RHBDL3: variants seen among roughly 807,000 people sequenced by gnomAD.
RHBDL3 encodes rhomboid-related protein 3.
Under a neutral mutation model 48.2 loss-of-function variants are expected in RHBDL3, and 28 were observed. That is an observed-to-expected ratio of 0.58 (90% CI 0.43 to 0.80). RHBDL3 has a LOEUF of 0.80. Among genes scored for constraint, RHBDL3 ranks in the 30% least tolerant of loss-of-function variants. The pLI is 0.00. For missense variants in RHBDL3, 464 were observed against 542.7 expected (o/e 0.85, Z 1.44); for synonymous variants, 208 against 232.3 (o/e 0.90, Z 0.95).
chr17:32,294,222 G>C (rs1655308084), intron 4 of RHBDL3, 72 bp from the exon 5 acceptor site: 3 of 1,336,676 alleles, frequency 2.2e-6, no homozygotes, highest in Non-Finnish European at 3.1e-6. Flanking sequence ...GGGACTCCCA[G>C]TGCTAGTCAG....
intron 2 of RHBDL3, among the ~76,000 whole-genome samples, chr17:32,280,032 G>A (rs2040005305): frequency 6.6e-6 from 1 of 152,168 alleles, no homozygotes; most frequent in Non-Finnish European, 1.5e-5. Flanking sequence ...AGAGGATTAG[G>A]GTCGGACGCT....
intron 2 of RHBDL3, among the ~76,000 whole-genome samples, chr17:32,268,780 G>A (rs1021409521): frequency 6.6e-6 from 1 of 152,212 alleles, no homozygotes; most frequent in African/African-American, 2.4e-5. Context: ...CTTCGTTGTA[G>A]GCAGGGGAAG....
chr17:32,276,975 A>G (rs12950382), intron 2 of RHBDL3, among the ~76,000 whole-genome samples: 48,693 of 133,204 alleles, frequency 0.37, 11,723 homozygotes, highest in African/African-American at 0.67. Flanking sequence ...ACAGTACTGC[A>G]GCCCTAGCAC....
In RHBDL3 at chr17:32,294,737, A is replaced by G. The variant is rs116039165; in HGVS notation, c.668+295A>G. Among the ~76,000 whole-genome samples the G allele has an allele frequency of 7.5e-3, 1,141 of 152,192 alleles. 16 individuals are homozygous for G. The highest frequency in any genetic ancestry group is 0.026 in the African/African-American group (1,077 of 41,494). ...TAGACGTGGCTTGAAAATTTATTCT[A>G]GTGCTTCCTAGTGGCTTCCTAGAGC... is the stretch of plus-strand genomic sequence containing the variant. On this transcript the variant is annotated intron_variant, in intron 5 of 8. Coordinates refer to ENST00000269051, the MANE Select transcript of RHBDL3 (RefSeq NM_138328.3).
intron 2 of RHBDL3, among the ~76,000 whole-genome samples, chr17:32,276,033 C>T (rs915832310): frequency 2.0e-5 from 3 of 152,190 alleles, no homozygotes; most frequent in Non-Finnish European, 4.4e-5. Context: ...TTCCAGAGTG[C>T]CTCAGGCAGG....
chr17:32,313,777 A>G (rs983925710), intron 7 of RHBDL3, among the ~76,000 whole-genome samples: 20 of 28,530 alleles, frequency 7.0e-4, no homozygotes, highest in Non-Finnish European at 1.7e-3. Context: ...TTTTTTTTTG[A>G]GACGAGTCTC....
In RHBDL3 at chr17:32,304,994, G is replaced by A. The variant is rs146644821; in HGVS notation, c.782-347G>A. Among the ~76,000 whole-genome samples, 497 of 152,228 alleles carry A rather than the reference G, an allele frequency of 3.3e-3. 7 individuals carry two copies. Among genetic ancestry groups the A allele is most frequent in the East Asian group, 0.014 (71 of 5,172 alleles). On this transcript the variant is annotated intron_variant, in intron 6 of 8. Coordinates refer to ENST00000269051, the MANE Select transcript of RHBDL3 (RefSeq NM_138328.3). ...AAATTAGCTGGGCATTGTGGCGCACGACTGTAGTTCCAGCTACTTGGGAAG... is the reference window on the plus strand; with the variant it reads ...AAATTAGCTGGGCATTGTGGCGCACAACTGTAGTTCCAGCTACTTGGGAAG...
intron 1 of RHBDL3, among the ~76,000 whole-genome samples, chr17:32,267,020 C>G (rs1382114568): frequency 6.6e-6 from 1 of 152,138 alleles, no homozygotes; most frequent in Non-Finnish European, 1.5e-5. Flanking sequence ...CTGCGAAGCC[C>G]TGGGAACTGG....
chr17:32,271,327 G>T (rs1438311237), intron 2 of RHBDL3, among the ~76,000 whole-genome samples: 4 of 152,120 alleles, frequency 2.6e-5, no homozygotes, highest in African/African-American at 9.7e-5. Context: ...AAATTTTTGT[G>T]TGTGGTTGGG....
intron 2 of RHBDL3, among the ~76,000 whole-genome samples, chr17:32,276,537 G>A (rs1435839921): frequency 4.6e-5 from 7 of 152,128 alleles, no homozygotes; most frequent in African/African-American, 2.4e-5. Context: ...GGGCAGCCTC[G>A]TTAATTCTGC....
At chr17:32,292,738 T>G (rs301341) in intron 4 of RHBDL3, among the ~76,000 whole-genome samples, 79,739 of 148,874 alleles carry the variant, frequency 0.54, 23,154 homozygotes, top group African/African-American at 0.78. Context: ...GGAGGTAGAG[T>G]TTGCAGTGAG....
At chr17:32,267,741 C>G in intron 1 of RHBDL3, 161 bp from the exon 2 acceptor site, 1 of 1,450,608 alleles carries the variant, frequency 6.9e-7, no homozygotes, top group Non-Finnish European at 9.1e-7. Context: ...CCCAGACTTC[C>G]CCTGCTCTCC....
In RHBDL3 at chr17:32,265,937, G is replaced by T. The variant is rs2039617230; in HGVS notation, c.-253G>T. Among the ~76,000 whole-genome samples, 1 of 146,924 alleles carries T rather than the reference G, an allele frequency of 6.8e-6. No homozygotes were observed. Among genetic ancestry groups the T allele is most frequent in the African/African-American group, 2.4e-5 (1 of 40,908 alleles). On this transcript the variant is annotated 5_prime_UTR_variant, in exon 1 of 9. Transcript: ENST00000269051. Reference sequence around the variant, plus strand: ...GGAGCCGGGCGCGAGGGCCGGGGCGGAGGCGGAGGCCGGCGGGGCAGCTAG... The same window carrying T: ...GGAGCCGGGCGCGAGGGCCGGGGCGTAGGCGGAGGCCGGCGGGGCAGCTAG...
At chr17:32,282,570 C>CA (rs2040078524) in intron 2 of RHBDL3, among the ~76,000 whole-genome samples, 1 of 151,868 alleles carries the variant, frequency 6.6e-6, no homozygotes, top group Admixed American at 6.6e-5. Context: ...CTGTCTAAAA[C>CA]AAAAAACAAT....
At chr17:32,277,677 G>A (rs1191950064) in intron 2 of RHBDL3, among the ~76,000 whole-genome samples, 1 of 152,244 alleles carries the variant, frequency 6.6e-6, no homozygotes, top group Non-Finnish European at 1.5e-5. Context: ...TACTCATGGG[G>A]CGGAAGTGAA....
chr17:32,285,407 G>A (rs116482934), intron 3 of RHBDL3, among the ~76,000 whole-genome samples: 2,231 of 152,196 alleles, frequency 0.015, 48 homozygotes, highest in African/African-American at 0.049. Context: ...AGTGGGGGCC[G>A]GGAGGGTCAG....
In RHBDL3 at chr17:32,320,976, G is replaced by A. The variant is rs748075618; in HGVS notation, c.962G>A (p.Arg321Gln). 5.0e-6 allele frequency: 8 copies of A among 1,612,220 alleles called. No homozygotes were observed. The African/African-American group carries it at 6.7e-5, about 13-fold the overall frequency. The stretch of plus-strand genomic sequence containing the variant: ...CTTGCAGTGAGCATGGAGTTTGGGC[G>A]GGCCGTGTGGCTCCGCTTCCACCCG... ...ALICMSMEFG[R>Q]AVWLRFHPSA... Residue 321 changes from arginine (R) to glutamine (Q), a missense_variant, in exon 9 of 9, where the codon CGG (arginine) becomes CAG (glutamine). By Grantham distance (43) the Arg-to-Gln change is conservative. Coordinates refer to ENST00000269051, the MANE Select transcript of RHBDL3 (RefSeq NM_138328.3).
Position 32,321,568 on chromosome 17 carries a change from T to G in RHBDL3, c.*339T>G, listed in dbSNP as rs1045002952. On this transcript the variant is annotated 3_prime_UTR_variant, in exon 9 of 9. Coordinates refer to ENST00000269051, the MANE Select transcript of RHBDL3 (RefSeq NM_138328.3). The stretch of plus-strand genomic sequence containing the variant: ...GGGGTGCCCCCTCACTGCTGCGGAT[T>G]GAGCAGCAGCTTCTTCCTCCTCCTC... The G allele has an allele frequency of 8.9e-5, 40 of 450,072 alleles. No homozygotes were observed. Among genetic ancestry groups the G allele is most frequent in the African/African-American group, 7.8e-4 (39 of 50,258 alleles). 27.9% of individuals were successfully genotyped at this position (450,072 alleles called of 1,614,324 possible). A position where few individuals can be genotyped will look rare whatever the true frequency, so the allele number is the denominator to read the frequency against.
At chr17:32,283,685 C>A (rs1463052223) in intron 2 of RHBDL3, among the ~76,000 whole-genome samples, 1 of 152,180 alleles carries the variant, frequency 6.6e-6, no homozygotes, top group African/African-American at 2.4e-5. Context: ...CCTGTCTGTT[C>A]ATCTGAACAC....
Sources: gnomAD v4.1 joint callset for allele counts (sites outside exome capture counted in the v4.1 genomes callset) on GRCh38, gnomAD v4.1.1 for gene constraint, MANE v1.5 for transcripts, NCBI Gene and HGNC (gene_info 2026-07-23, HGNC 2026-07-21) for gene names.